The following SAMMSON variants were observed in gnomAD, a reference collection of about 807,000 sequenced individuals.
The protein encoded by SAMMSON is long intergenic non-protein coding RNA 1212.
intron 7 of SAMMSON, among the ~76,000 whole-genome samples, chr3:70,304,432 A>T (rs957211450): frequency 6.6e-6 from 1 of 152,174 alleles, no homozygotes; most frequent in East Asian, 1.9e-4. Flanking sequence ...GATACCTCAG[A>T]GGCATTTCAC....
intron 3 of SAMMSON, among the ~76,000 whole-genome samples, chr3:70,061,230 C>T (rs568017176): frequency 1.6e-4 from 25 of 151,998 alleles, no homozygotes; most frequent in African/African-American, 5.5e-4. Flanking sequence ...GTTGAGATAC[C>T]GACAGGACCT....
intron 3 of SAMMSON, among the ~76,000 whole-genome samples, chr3:70,042,686 G>C (rs1181083900): frequency 1.3e-5 from 2 of 152,076 alleles, no homozygotes; most frequent in Admixed American, 1.3e-4. Flanking sequence ...TGTGAAGTCT[G>C]CCAACAGAAT....
At chr3:70,100,528 G>T (rs79772583) in intron 4 of SAMMSON, among the ~76,000 whole-genome samples, 2 of 220 alleles carry the variant, frequency 9.1e-3, no homozygotes, top group Non-Finnish European at 0.019. Flanking sequence ...GGGGGGGGGG[G>T]GGGGGAAGCA....
At chr3:70,023,810 C>A (rs1361150393) in intron 3 of SAMMSON, among the ~76,000 whole-genome samples, 1 of 152,140 alleles carries the variant, frequency 6.6e-6, no homozygotes, top group Non-Finnish European at 1.5e-5. Context: ...ACTTTATTTA[C>A]AAAAATAGGC....
intron 4 of SAMMSON, among the ~76,000 whole-genome samples, chr3:70,233,656 C>G (rs925650729): frequency 6.6e-6 from 1 of 152,162 alleles, no homozygotes; most frequent in Non-Finnish European, 1.5e-5. Context: ...ATGCATCCCT[C>G]TACTTCCTTC....
At chr3:70,134,379 A>G (rs1160335147) in intron 4 of SAMMSON, among the ~76,000 whole-genome samples, 1 of 151,890 alleles carries the variant, frequency 6.6e-6, no homozygotes, top group Admixed American at 6.6e-5. Context: ...TTTTTAATAA[A>G]AAGTACTCAG....
intron 4 of SAMMSON, among the ~76,000 whole-genome samples, chr3:70,156,888 G>T (rs1381623253): frequency 6.6e-6 from 1 of 152,044 alleles, no homozygotes; most frequent in Non-Finnish European, 1.5e-5. Context: ...TCACTAATTT[G>T]CTACTTAATG....
intron 4 of SAMMSON, among the ~76,000 whole-genome samples, chr3:70,246,467 T>C (rs1311010194): frequency 6.6e-6 from 1 of 152,070 alleles, no homozygotes; most frequent in Non-Finnish European, 1.5e-5. Flanking sequence ...AGTGGGGAGT[T>C]TGATCATTGG....
intron 3 of SAMMSON, chr3:70,014,133 C>G (rs1434068183): frequency 1.3e-5 from 2 of 152,208 alleles, no homozygotes; most frequent in Non-Finnish European, 2.9e-5. Flanking sequence ...ATGGTCTTTA[C>G]TCCAGGCTTA....
chr3:70,232,767 C>T (rs1701572741), intron 4 of SAMMSON, among the ~76,000 whole-genome samples: 2 of 152,080 alleles, frequency 1.3e-5, no homozygotes, highest in South Asian at 4.1e-4. Flanking sequence ...AATATTTATT[C>T]CATCACAGGG....
intron 4 of SAMMSON, among the ~76,000 whole-genome samples, chr3:70,164,200 G>A (rs960447109): frequency 6.6e-6 from 1 of 152,010 alleles, no homozygotes; most frequent in African/African-American, 2.4e-5. Flanking sequence ...GCAGATGAAA[G>A]CTCATATTTT....
chr3:70,236,177 T>C (rs1701606972), intron 4 of SAMMSON, among the ~76,000 whole-genome samples: 1 of 152,208 alleles, frequency 6.6e-6, no homozygotes, highest in Non-Finnish European at 1.5e-5. Flanking sequence ...CATAGATGAC[T>C]GCTAAATCCA....
At chr3:70,345,778 G>A (rs1225191546) in intron 7 of SAMMSON, among the ~76,000 whole-genome samples, 1 of 151,810 alleles carries the variant, frequency 6.6e-6, no homozygotes, top group Non-Finnish European at 1.5e-5. Context: ...TTAACTTAGC[G>A]ATAGCATTTA....
At chr3:70,009,803 G>A (rs942505511) in intron 1 of SAMMSON, among the ~76,000 whole-genome samples, 2 of 150,626 alleles carry the variant, frequency 1.3e-5, no homozygotes, top group Non-Finnish European at 2.9e-5. Flanking sequence ...TCTACACACT[G>A]CTTTGAATGT....
intron 3 of SAMMSON, among the ~76,000 whole-genome samples, chr3:70,044,778 G>A (rs906863822): frequency 1.3e-5 from 2 of 149,842 alleles, no homozygotes; most frequent in African/African-American, 2.5e-5. Flanking sequence ...AAATGTAACT[G>A]TGTTTACATA....
At chr3:70,233,672 G>A (rs1575603080) in intron 4 of SAMMSON, among the ~76,000 whole-genome samples, 1 of 152,032 alleles carries the variant, frequency 6.6e-6, no homozygotes, top group East Asian at 1.9e-4. Context: ...CCTTCAGTAG[G>A]CAACCTGCGA....
chr3:70,187,821 T>G (rs1284897422), intron 4 of SAMMSON, among the ~76,000 whole-genome samples: 1 of 152,030 alleles, frequency 6.6e-6, no homozygotes, highest in Non-Finnish European at 1.5e-5. Flanking sequence ...TGCAGTGTGG[T>G]GCTTTTTTTT....
intron 4 of SAMMSON, among the ~76,000 whole-genome samples, chr3:70,128,350 A>G (rs578244989): frequency 8.5e-5 from 13 of 152,336 alleles, no homozygotes; most frequent in Non-Finnish European, 1.8e-4. Flanking sequence ...ATGTTCCAAT[A>G]AATACTAGTC....
chr3:70,275,505 A>T (rs1189299124), intron 6 of SAMMSON, among the ~76,000 whole-genome samples: 1 of 152,168 alleles, frequency 6.6e-6, no homozygotes, highest in East Asian at 1.9e-4. Context: ...TGGCAAAGCA[A>T]GACCCTGTCT....
Sources: gnomAD v4.1 joint callset for allele counts (sites outside exome capture counted in the v4.1 genomes callset) on GRCh38, gnomAD v4.1.1 for gene constraint, MANE v1.5 for transcripts, NCBI Gene and HGNC (gene_info 2026-07-23, HGNC 2026-07-21) for gene names.